The following DECR1 variants were observed in gnomAD, a reference collection of about 807,000 sequenced individuals.
The protein encoded by DECR1 is 2,4-dienoyl-CoA reductase 1, also known as 2,4-dienoyl-CoA reductase [(3E)-enoyl-CoA-producing], mitochondrial.
DECR1 carries 44 observed loss-of-function variants against 38.8 expected under a neutral mutation model. That is an observed-to-expected ratio of 1.13 (90% CI 0.89 to 1.46). The LOEUF (loss-of-function observed/expected upper bound fraction) is 1.46. Ranked by LOEUF, DECR1 falls within the 40% of genes most tolerant of loss-of-function variation. The probability of loss-of-function intolerance (pLI) is 0.00; values close to 1 mark genes in which losing one functional copy is unlikely to be tolerated. For synonymous variants in DECR1, 148 were observed against 135.2 expected (o/e 1.09, Z -0.66); for missense variants, 428 against 405.5 (o/e 1.06, Z -0.48).
chr8:90,044,836 C>A lies in DECR1; in HGVS notation c.739-13C>A. 1 of 1,598,986 alleles carries A rather than the reference C, an allele frequency of 6.3e-7. No individual in the cohort carries two copies. The highest frequency in any genetic ancestry group is 8.5e-7 in the Non-Finnish European group (1 of 1,174,332). ...AAACCCGACACAACCTAATTGTTTT[C>A]TTAATTTCTAAGGGTGCCTTTAGCC... is the stretch of plus-strand genomic sequence containing the variant. On this transcript the variant is annotated splice_polypyrimidine_tract_variant and intron_variant, in intron 7 of 9. Coordinates refer to ENST00000220764, the MANE Select transcript of DECR1 (RefSeq NM_001359.2).
At position 90,020,986 on chromosome 8, in the gene DECR1, T is replaced by G; in HGVS notation, c.495T>G (p.Thr165=). 1 of 1,598,178 alleles carries G rather than the reference T, an allele frequency of 6.3e-7. No individual in the cohort carries two copies. Among genetic ancestry groups the G allele is most frequent in the Non-Finnish European group, 8.5e-7 (1 of 1,174,012 alleles). The change falls in exon 5 of 10, where the codon ACT becomes ACG. Residue 165 remains threonine, a synonymous_variant. Transcript: ENST00000220764. ...RLSPNAWKTI[T]DIVLNGTAFV... The stretch of plus-strand genomic sequence containing the variant: ...CTCCTAATGCTTGGAAAACCATAAC[T>G]GACATAGTTCTAAATGGCACAGCCT...
chr8:90,028,318 C>A (rs1386489747), intron 5 of DECR1, among the ~76,000 whole-genome samples: 4 of 151,808 alleles, frequency 2.6e-5, no homozygotes, highest in Admixed American at 1.3e-4. Flanking sequence ...AAATGTTGGC[C>A]TCATGTCTAT....
intron 8 of DECR1, among the ~76,000 whole-genome samples, chr8:90,047,651 C>T (rs1218360828): frequency 6.6e-6 from 1 of 152,134 alleles, no homozygotes; most frequent in Admixed American, 6.5e-5. Context: ...CAAGGATATC[C>T]AGGAATTGAA....
intron 1 of DECR1, among the ~76,000 whole-genome samples, chr8:90,009,132 C>T (rs1812819429): frequency 6.6e-6 from 1 of 152,172 alleles, no homozygotes; most frequent in Non-Finnish European, 1.5e-5. Context: ...CCTGCATGGT[C>T]CAGTCCCCTT....
chr8:90,041,644 A>G (rs561050835), intron 6 of DECR1, among the ~76,000 whole-genome samples: 164 of 152,268 alleles, frequency 1.1e-3, no homozygotes, highest in African/African-American at 3.8e-3. Context: ...CTGAGCAATT[A>G]GCTTGCTTTT....
chr8:90,039,456 A>G (rs1394955577), intron 6 of DECR1, among the ~76,000 whole-genome samples: 1 of 152,196 alleles, frequency 6.6e-6, no homozygotes, highest in Non-Finnish European at 1.5e-5. Flanking sequence ...GAACTCACTC[A>G]CTATCATGAG....
chr8:90,023,318 A>G lies in DECR1; in HGVS notation c.565+2262A>G, dbSNP rs77847620. On this transcript the variant is annotated intron_variant, in intron 5 of 9. Transcript: ENST00000220764. ...GTGTTTTCTTGTAGTATTTAGAAATACAATGGATTAGTTTTGTGTATTGAT... is the reference window on the plus strand; with the variant it reads ...GTGTTTTCTTGTAGTATTTAGAAATGCAATGGATTAGTTTTGTGTATTGAT... Among the ~76,000 whole-genome samples the G allele has an allele frequency of 7.0e-3, 1,070 of 152,298 alleles. 5 individuals carry two copies. Among genetic ancestry groups the G allele is most frequent in the Non-Finnish European group, 0.012 (847 of 68,024 alleles).
Position 90,051,740 on chromosome 8 carries a change from G to C in DECR1, c.948+1G>C, listed in dbSNP as rs768371218. On this transcript the variant is annotated splice_donor_variant, in intron 9 of 9. Transcript: ENST00000220764. LOFTEE classifies it high-confidence loss of function. ...AGGGGAATTCAACGACCTGAGAAAGGTAATGCTTTTGTGTGTATAATGTAA... is the reference window on the plus strand; with the variant it reads ...AGGGGAATTCAACGACCTGAGAAAGCTAATGCTTTTGTGTGTATAATGTAA... 1 of 1,613,468 alleles carries C rather than the reference G, an allele frequency of 6.2e-7. No homozygotes were observed. The highest frequency in any genetic ancestry group is 8.5e-7 in the Non-Finnish European group (1 of 1,179,738).
intron 8 of DECR1, among the ~76,000 whole-genome samples, chr8:90,050,988 C>T (rs1189019451): frequency 6.6e-6 from 1 of 152,054 alleles, no homozygotes; most frequent in Non-Finnish European, 1.5e-5. Context: ...AACACTTGGA[C>T]ACAGGGTGGT....
chr8:90,001,671 CAAAG>C, intron 1 of DECR1, 110 bp downstream of exon 1: 1 of 1,025,132 alleles, frequency 9.8e-7, no homozygotes, highest in East Asian at 2.6e-5. Flanking sequence ...TCCTGGGGCG[CAAAG>C]AGAGAGGACA....
Position 90,001,492 on chromosome 8 carries a change from C to A in DECR1, c.-1C>A, listed in dbSNP as rs1288948384. The stretch of plus-strand genomic sequence containing the variant: ...TCCGGCCCGAGTTCTGGAGACTCAA[C>A]ATGAAGCTACCGGCCAGGGTTTTCT... On this transcript the variant is annotated 5_prime_UTR_variant, in exon 1 of 10. Transcript: ENST00000220764. The A allele has an allele frequency of 9.9e-6, 16 of 1,614,036 alleles. No homozygotes were observed. The East Asian group carries it at 3.6e-4, about 36-fold the overall frequency.
At chr8:90,030,479 G>A (rs1400035036) in intron 5 of DECR1, 1 of 152,180 alleles carries the variant, frequency 6.6e-6, no homozygotes, top group Non-Finnish European at 1.5e-5. Flanking sequence ...CACAAATGTG[G>A]TGCTTTGTTT....
chr8:90,043,349 A>T (rs1271260906), intron 7 of DECR1, among the ~76,000 whole-genome samples: 1 of 152,182 alleles, frequency 6.6e-6, no homozygotes, highest in East Asian at 1.9e-4. Flanking sequence ...CTGACAGCAT[A>T]GATTTCACCT....
Position 90,021,012 on chromosome 8 carries a change from T to C in DECR1, c.521T>C (p.Phe174Ser), listed in dbSNP as rs190568496. Residue 174 changes from phenylalanine to serine, a missense_variant, in exon 5 of 10, where the codon TTC becomes TCC. Coordinates refer to ENST00000220764, the MANE Select transcript of DECR1 (RefSeq NM_001359.2). ...GACATAGTTCTAAATGGCACAGCCT[T>C]CGTGACACTAGAAATTGGAAAACAA... The part of the protein sequence containing the change: ...ITDIVLNGTA[F>S]VTLEIGKQLI... 5 of 1,596,120 alleles carry C rather than the reference T, an allele frequency of 3.1e-6. No individual in the cohort carries two copies. The East Asian group carries it at 1.1e-4, about 36-fold the overall frequency.
intron 5 of DECR1, among the ~76,000 whole-genome samples, chr8:90,036,601 C>T (rs1813621325): frequency 6.6e-6 from 1 of 152,098 alleles, no homozygotes; most frequent in African/African-American, 2.4e-5. Flanking sequence ...CGTATTGACT[C>T]GCCAGGCATA....
intron 8 of DECR1, among the ~76,000 whole-genome samples, chr8:90,050,794 A>G (rs1320990417): frequency 6.6e-6 from 1 of 152,230 alleles, no homozygotes; most frequent in African/African-American, 2.4e-5. Flanking sequence ...TCAATGATAG[A>G]CTGGATTAAG....
At chr8:90,026,581 AT>A (rs1813347062) in intron 5 of DECR1, among the ~76,000 whole-genome samples, 1 of 151,992 alleles carries the variant, frequency 6.6e-6, no homozygotes, top group African/African-American at 2.4e-5. Flanking sequence ...CCCCTTTATC[AT>A]TTTTTATTGC....
intron 8 of DECR1, among the ~76,000 whole-genome samples, chr8:90,046,205 A>G (rs892846372): frequency 5.3e-5 from 8 of 152,244 alleles, no homozygotes; most frequent in African/African-American, 1.9e-4. Context: ...GAGTTGAGAG[A>G]AGAAGGCTTC....
At chr8:90,007,968 A>C (rs1028051908) in intron 1 of DECR1, among the ~76,000 whole-genome samples, 2 of 152,218 alleles carry the variant, frequency 1.3e-5, no homozygotes. Flanking sequence ...GGAAACCCTC[A>C]CACTGCATTG....
Sources: gnomAD v4.1 joint callset for allele counts (sites outside exome capture counted in the v4.1 genomes callset) on GRCh38, gnomAD v4.1.1 for gene constraint, MANE v1.5 for transcripts, NCBI Gene and HGNC (gene_info 2026-07-23, HGNC 2026-07-21) for gene names.